NCAM2: variants seen among roughly 807,000 people sequenced by gnomAD.
The protein encoded by NCAM2 is neural cell adhesion molecule 2.
In NCAM2, 30 loss-of-function variants were observed where a neutral mutation model predicts 98.1. That is an observed-to-expected ratio of 0.31 (90% CI 0.23 to 0.41). The LOEUF is 0.41. Ranked by LOEUF, NCAM2 falls within the 10% of genes least tolerant of loss-of-function variation. NCAM2 has a pLI of 1.00. For missense variants in NCAM2, 867 were observed against 1,005.8 expected (o/e 0.86, Z 1.87); for synonymous variants, 368 against 342.4 (o/e 1.07, Z -0.83).
chr21:21,504,754 C>A (rs1987869297), intron 15 of NCAM2, among the ~76,000 whole-genome samples: 1 of 151,544 alleles, frequency 6.6e-6, no homozygotes, highest in South Asian at 2.1e-4. Context: ...TAGAACATAA[C>A]TTTCAAAAGA....
intron 1 of NCAM2, among the ~76,000 whole-genome samples, chr21:21,168,211 T>C (rs1360351072): frequency 1.3e-5 from 2 of 151,874 alleles, no homozygotes; most frequent in East Asian, 1.9e-4. Context: ...AAACACAGGA[T>C]CCTAGATACA....
intron 1 of NCAM2, among the ~76,000 whole-genome samples, chr21:21,028,724 A>G (rs1478636000): frequency 2.0e-5 from 3 of 152,364 alleles, no homozygotes; most frequent in African/African-American, 7.2e-5. Flanking sequence ...GTGCAATAAC[A>G]TAGATATGAT....
intron 1 of NCAM2, among the ~76,000 whole-genome samples, chr21:21,156,246 TAAAC>T (rs1182680424): frequency 6.6e-6 from 1 of 152,008 alleles, no homozygotes; most frequent in Non-Finnish European, 1.5e-5. Flanking sequence ...TTTAGCAACA[TAAAC>T]AAACAAAAAT....
At chr21:21,001,113 C>G (rs2064012175) in intron 1 of NCAM2, among the ~76,000 whole-genome samples, 1 of 152,142 alleles carries the variant, frequency 6.6e-6, no homozygotes, top group Non-Finnish European at 1.5e-5. Flanking sequence ...GGAAAGGCAA[C>G]AATGATGTAT....
At chr21:21,388,392 A>C (rs1050070600) in intron 9 of NCAM2, among the ~76,000 whole-genome samples, 2 of 152,212 alleles carry the variant, frequency 1.3e-5, no homozygotes, top group Non-Finnish European at 2.9e-5. Flanking sequence ...TAGGAAAAGT[A>C]CATTCCAGGC....
At chr21:21,334,503 A>T (rs1299675722) in intron 6 of NCAM2, among the ~76,000 whole-genome samples, 1 of 152,150 alleles carries the variant, frequency 6.6e-6, no homozygotes, top group African/African-American at 2.4e-5. Flanking sequence ...AGATTTTTTT[A>T]AATTTACAAT....
intron 12 of NCAM2, among the ~76,000 whole-genome samples, chr21:21,436,544 G>A (rs1978348623): frequency 6.6e-6 from 1 of 151,938 alleles, no homozygotes; most frequent in South Asian, 2.1e-4. Flanking sequence ...TAACTCTGAA[G>A]GATTTTTTCT....
chr21:21,378,144 T>C (rs917382318), intron 9 of NCAM2, among the ~76,000 whole-genome samples: 3 of 151,664 alleles, frequency 2.0e-5, no homozygotes, highest in Non-Finnish European at 4.4e-5. Flanking sequence ...GTCATGAACA[T>C]GGGACTGCAG....
chr21:21,394,251 T>A (rs910429101), intron 9 of NCAM2, among the ~76,000 whole-genome samples: 2 of 152,096 alleles, frequency 1.3e-5, no homozygotes, highest in African/African-American at 4.8e-5. Context: ...TTGTCATAGC[T>A]TTTTCTACAT....
At chr21:21,270,916 A>G (rs891229556) in intron 1 of NCAM2, among the ~76,000 whole-genome samples, 3 of 151,930 alleles carry the variant, frequency 2.0e-5, no homozygotes, top group Admixed American at 6.6e-5. Context: ...GCACTTTTTA[A>G]AACAGATATT....
At chr21:21,057,564 C>T (rs1419519010) in intron 1 of NCAM2, among the ~76,000 whole-genome samples, 2 of 152,006 alleles carry the variant, frequency 1.3e-5, no homozygotes, top group African/African-American at 4.8e-5. Flanking sequence ...CCTCATGCAC[C>T]CGACAAATCC....
intron 9 of NCAM2, among the ~76,000 whole-genome samples, chr21:21,399,838 C>A (rs1476374209): frequency 6.6e-6 from 1 of 152,082 alleles, no homozygotes. Context: ...GTCACAGTTA[C>A]CAACCACAAA....
chr21:21,178,556 A>G (rs1353780722), intron 1 of NCAM2, among the ~76,000 whole-genome samples: 1 of 152,042 alleles, frequency 6.6e-6, no homozygotes, highest in Non-Finnish European at 1.5e-5. Context: ...TATACTATAC[A>G]TTATGTTTAT....
At chr21:21,355,723 C>T (rs999670436) in intron 8 of NCAM2, among the ~76,000 whole-genome samples, 1 of 151,726 alleles carries the variant, frequency 6.6e-6, no homozygotes, top group Non-Finnish European at 1.5e-5. Context: ...TCAAATGATT[C>T]TCCTGACATA....
At position 21,189,914 on chromosome 21, in the gene NCAM2, G is replaced by A. The variant is rs190158062; in HGVS notation, c.56-90664G>A. Among the ~76,000 whole-genome samples, 83 of 152,250 alleles carry A rather than the reference G, an allele frequency of 5.5e-4. 1 individual carries two copies. Among genetic ancestry groups the A allele is most frequent in the Middle Eastern group, 3.4e-3 (1 of 294 alleles). On this transcript the variant is annotated intron_variant, in intron 1 of 17. Coordinates refer to ENST00000400546, the MANE Select transcript of NCAM2 (RefSeq NM_004540.5). Reference sequence around the variant, plus strand: ...TGTCTCTTAATGTCAGAGCAATGCCGTCAAGTGGTGTCTGCCTAGTTACTC... The same window carrying A: ...TGTCTCTTAATGTCAGAGCAATGCCATCAAGTGGTGTCTGCCTAGTTACTC...
At chr21:21,134,697 G>T (rs1232612681) in intron 1 of NCAM2, among the ~76,000 whole-genome samples, 3 of 136,014 alleles carry the variant, frequency 2.2e-5, no homozygotes, top group African/African-American at 8.1e-5. Context: ...TTGAATTATG[G>T]TTATATTGCA....
At chr21:21,365,579 A>G (rs563126200) in intron 8 of NCAM2, among the ~76,000 whole-genome samples, 4 of 152,012 alleles carry the variant, frequency 2.6e-5, no homozygotes, top group Non-Finnish European at 5.9e-5. Context: ...AAACAGAAAC[A>G]GTATCAATAG....
At chr21:21,315,647 G>C (rs1226902142) in intron 5 of NCAM2, among the ~76,000 whole-genome samples, 2 of 152,260 alleles carry the variant, frequency 1.3e-5, no homozygotes, top group East Asian at 3.9e-4. Context: ...GAACTGGAAG[G>C]CTTCTCTTTC....
chr21:21,061,160 A>G (rs945106313), intron 1 of NCAM2, among the ~76,000 whole-genome samples: 1 of 152,190 alleles, frequency 6.6e-6, no homozygotes, highest in Non-Finnish European at 1.5e-5. Context: ...GAGTTCAGCT[A>G]AATAGCATCA....
Sources: gnomAD v4.1 joint callset for allele counts (sites outside exome capture counted in the v4.1 genomes callset) on GRCh38, gnomAD v4.1.1 for gene constraint, MANE v1.5 for transcripts, NCBI Gene and HGNC (gene_info 2026-07-23, HGNC 2026-07-21) for gene names.